MX2: variants seen among roughly 807,000 people sequenced by gnomAD.
MX2 encodes the protein MX dynamin like GTPase 2.
MX2 carries 51 observed loss-of-function variants against 74.0 expected under a neutral mutation model. The ratio of observed to expected loss-of-function variants is 0.69; its 90% CI spans 0.55 to 0.87. The LOEUF is 0.87. MX2 is among the 40% of genes least tolerant of loss of function. The pLI is 0.00. For synonymous variants in MX2, 369 were observed against 339.3 expected (o/e 1.09, Z -0.96); for missense variants, 832 against 908.7 (o/e 0.92, Z 1.09).
At chr21:41,365,653 A>G (rs1461005010) in intron 1 of MX2, 2 of 152,080 alleles carry the variant, frequency 1.3e-5, no homozygotes, top group Non-Finnish European at 2.9e-5. Context: ...GGTTGATTCT[A>G]TGTCTTTGCT....
rs1273609639 is a variant in MX2 at position 41,368,410 on chromosome 21, A to C, written c.-72+6355A>C. On this transcript the variant is annotated intron_variant, in intron 1 of 13. Transcript: ENST00000330714. The surrounding 1 kb of genome is among the most constrained non-coding windows in gnomAD (Gnocchi z 4.6). The stretch of plus-strand genomic sequence containing the variant: ...AACCCGAAACCTACATTCCTTACTC[A>C]ACAGGCCCGTGTCAGAAAATCCTCC... 1.3e-5 allele frequency among the ~76,000 whole-genome samples: 2 copies of C among 152,038 alleles called. No homozygotes were observed. Among genetic ancestry groups the C allele is most frequent in the Non-Finnish European group, 2.9e-5 (2 of 68,006 alleles).
intron 6 of MX2, among the ~76,000 whole-genome samples, chr21:41,394,778 T>C (rs1418936886): frequency 6.6e-6 from 1 of 151,952 alleles, no homozygotes; most frequent in African/African-American, 2.4e-5. Context: ...TCATCTCTAC[T>C]AAAAATACAA....
rs1213153974 is a variant in MX2 at position 41,402,084 on chromosome 21, A to G, written c.1529A>G (p.Gln510Arg). Residue 510 changes from glutamine to arginine, a missense_variant, in exon 11 of 14, where the codon CAG becomes CGG. Physicochemically the swap from Gln to Arg is conservative, Grantham distance 43 (BLOSUM62 1). Transcript: ENST00000330714. This position sits in a 1 kb window ranked among gnomAD's most constrained non-coding sequence, Gnocchi z 4.5. ...TFEIIVHQYI[Q>R]QLVEPALSML... ...GAGATCATCGTGCATCAGTACATCC[A>G]GCAGCTGGTGGAGCCCGCCCTTAGC... The G allele has an allele frequency of 6.2e-7, 1 of 1,614,200 alleles. No individual in the cohort carries two copies. The highest frequency in any genetic ancestry group is 1.1e-5 in the South Asian group (1 of 91,084).
rs2089262772 is a variant in MX2, at chr21:41,366,020, A to T, written c.-72+3965A>T. On this transcript the variant is annotated intron_variant, in intron 1 of 13. Transcript: ENST00000330714. The surrounding 1 kb of genome is among the most constrained non-coding windows in gnomAD (Gnocchi z 4.5). ...TCCGGCCTTTGCTCTTAGAGCAGAG[A>T]TTCTCAACCTTTCTCCATTTGGGCT... The T allele has an allele frequency of 6.6e-6, 1 of 152,226 alleles. No homozygotes were observed. The highest frequency in any genetic ancestry group is 6.5e-5 in the Admixed American group (1 of 15,288). The allele number at this position is 152,226 out of a possible 1,614,324, so 9.4% of individuals were successfully genotyped here.
chr21:41,397,526 T>TG (rs1249257050), intron 7 of MX2, 87 bp from the exon 8 acceptor site: 32 of 1,216,074 alleles, frequency 2.6e-5, no homozygotes, highest in Admixed American at 7.3e-5. Flanking sequence ...CCCGGGGAGC[T>TG]GGGCTCACCT....
intron 12 of MX2, among the ~76,000 whole-genome samples, chr21:41,406,301 C>T (rs1318529211): frequency 6.6e-6 from 1 of 152,172 alleles, no homozygotes; most frequent in Non-Finnish European, 1.5e-5. Flanking sequence ...CTCTTTCTTC[C>T]TTGACTGCAT....
chr21:41,386,219 CAAAAAAAAAAAAAAA>C (rs59005802), intron 5 of MX2, among the ~76,000 whole-genome samples: 9 of 31,998 alleles, frequency 2.8e-4, no homozygotes, highest in East Asian at 1.1e-3. Flanking sequence ...TACTCCATCT[CAAAAAAAAAAAAAAA>C]AAAAAAAAAA....
At chr21:41,379,148 G>A (rs1232939228) in intron 3 of MX2, among the ~76,000 whole-genome samples, 1 of 152,246 alleles carries the variant, frequency 6.6e-6, no homozygotes, top group African/African-American at 2.4e-5. Flanking sequence ...GCACAAGGCA[G>A]GAGAGAGTAA....
Position 41,384,072 on chromosome 21 carries a change from T to G in MX2, c.732+1508T>G, listed in dbSNP as rs114839908. On this transcript the variant is annotated intron_variant, in intron 5 of 13. Coordinates refer to ENST00000330714, the MANE Select transcript of MX2 (RefSeq NM_002463.2). ...GGAGTTCTCATGAGAGCTGGTGGCT[T>G]TAAAGTGTGGCACTTTCTTGTTCTC... Among the ~76,000 whole-genome samples, 1,175 of 152,206 alleles carry G rather than the reference T, an allele frequency of 7.7e-3. 20 individuals are homozygous for G. Among genetic ancestry groups the G allele is most frequent in the African/African-American group, 0.027 (1,110 of 41,522 alleles).
chr21:41,390,452 C>G lies in MX2; in HGVS notation c.733-113C>G, dbSNP rs187418682. On this transcript the variant is annotated intron_variant, in intron 5 of 13. Coordinates refer to ENST00000330714, the MANE Select transcript of MX2 (RefSeq NM_002463.2). ...GGCTCGGCCTAGCAAAGCCCAGAGT[C>G]ACACTGTGGGACAATGTTGCCTTTG... 100 of 1,460,302 alleles carry G rather than the reference C, an allele frequency of 6.8e-5. No individual in the cohort carries two copies. In the African/African-American group the frequency reaches 1.3e-3, roughly 20 times the overall value. The allele number at this position is 1,460,302 out of a possible 1,614,324, so 90.5% of individuals were successfully genotyped here.
At chr21:41,392,155 A>G (rs989375273) in intron 6 of MX2, among the ~76,000 whole-genome samples, 13 of 152,212 alleles carry the variant, frequency 8.5e-5, no homozygotes, top group African/African-American at 2.7e-4. Context: ...CAAATTTTCT[A>G]TGCATTCTAG....
chr21:41,406,648 T>A, intron 12 of MX2, 96 bp from the exon 13 acceptor site: 1 of 1,281,468 alleles, frequency 7.8e-7, no homozygotes, highest in African/African-American at 1.5e-5. Flanking sequence ...GGATTCGTTT[T>A]ATTTCTGAGT....
At chr21:41,403,843 G>A in intron 12 of MX2, 1 of 329,864 alleles carries the variant, frequency 3.0e-6, no homozygotes, top group South Asian at 2.4e-5. Flanking sequence ...GCCTGGGCTG[G>A]TGGATTGAAA....
rs2089414041 is a variant in MX2 at position 41,377,062 on chromosome 21, A to G, written c.156A>G (p.Ala52=). The G allele has an allele frequency of 1.2e-6, 2 of 1,614,236 alleles. No homozygotes were observed. The highest frequency in any genetic ancestry group is 4.5e-5 in the East Asian group (2 of 44,886). The change falls in exon 2 of 14, where the codon GCA becomes GCG. Residue 52 remains alanine, a synonymous_variant. Coordinates refer to ENST00000330714, the MANE Select transcript of MX2 (RefSeq NM_002463.2). ...TGTTTCCTCCAAACTGGCAGGGGGC[A>G]GAGAAGGACGCTGCTTTCCTCGCCA... ...QMMFPPNWQG[A]EKDAAFLAKD... is the part of the protein sequence containing the mutation.
At chr21:41,400,500 G>A (rs1294357801) in intron 10 of MX2, among the ~76,000 whole-genome samples, 1 of 152,114 alleles carries the variant, frequency 6.6e-6, no homozygotes, top group African/African-American at 2.4e-5. Flanking sequence ...ATGTGTGTGT[G>A]TATGTGTGTG....
At position 41,397,649 on chromosome 21, in the gene MX2, A is replaced by G. The variant is rs772004219; in HGVS notation, c.1107A>G (p.Arg369=). The change falls in exon 8 of 14, where the codon CGA becomes CGG. Residue 369 remains arginine, a synonymous_variant. Transcript: ENST00000330714. ...AGGAGGGGTCAGCCACGGTTCCCCG[A>G]CTGGCAGAAAGACTTACCACTGAAC... The part of the protein sequence containing the change: ...LLEEGSATVP[R]LAERLTTELI... The G allele has an allele frequency of 4.8e-5, 78 of 1,614,034 alleles. No individual in the cohort carries two copies. The highest frequency in any genetic ancestry group is 6.4e-5 in the Non-Finnish European group (75 of 1,180,006).
Position 41,402,923 on chromosome 21 carries a change from C to T in MX2, c.1574-344C>T, listed in dbSNP as rs935853104. Reference sequence around the variant, plus strand: ...GATCTGAAAAGAGGTGGGGCTCAGGCAGCAGTGCTCACTAGCTCACTGCAC... The same window carrying T: ...GATCTGAAAAGAGGTGGGGCTCAGGTAGCAGTGCTCACTAGCTCACTGCAC... On this transcript the variant is annotated intron_variant, in intron 11 of 13. Transcript: ENST00000330714. The surrounding 1 kb of genome is among the most constrained non-coding windows in gnomAD (Gnocchi z 4.5). The T allele has an allele frequency of 4.1e-6, 1 of 243,126 alleles. No homozygotes were observed. Among genetic ancestry groups the T allele is most frequent in the Non-Finnish European group, 8.3e-6 (1 of 120,462 alleles). The allele number at this position is 243,126 out of a possible 1,614,324, so 15.1% of individuals were successfully genotyped here. A position where few individuals can be genotyped will look rare whatever the true frequency, so the allele number is the denominator to read the frequency against.
intron 5 of MX2, 114 bp from the exon 6 acceptor site, chr21:41,390,451 T>TCAC (rs2089641929): frequency 2.2e-5 from 32 of 1,461,542 alleles, no homozygotes; most frequent in Non-Finnish European, 2.9e-5. Flanking sequence ...AAGCCCAGAG[T>TCAC]CACACTGTGG....
chr21:41,398,779 TG>T, intron 8 of MX2, 117 bp from the exon 9 acceptor site: 1 of 1,423,264 alleles, frequency 7.0e-7, no homozygotes, highest in Non-Finnish European at 9.4e-7. Flanking sequence ...CTGGGGCAGG[TG>T]GGTCAAAAAT....
Sources: gnomAD v4.1 joint callset for allele counts (sites outside exome capture counted in the v4.1 genomes callset) on GRCh38, gnomAD v4.1.1 for gene constraint, Gnocchi (gnomAD v3.1) non-coding constraint, MANE v1.5 for transcripts, NCBI Gene and HGNC (gene_info 2026-07-23, HGNC 2026-07-21) for gene names.